SCML1: variants seen among roughly 807,000 people sequenced by gnomAD.
SCML1 encodes sex comb on midleg-like protein 1.
For synonymous variants in SCML1, 104 were observed against 103.6 expected (o/e 1.00, Z -0.02); for missense variants, 137 against 258.1 (o/e 0.53, Z 3.22).
chrX:17,746,733 CACAT>C (rs971839495), intron 4 of SCML1, among the ~76,000 whole-genome samples: 13 of 112,088 alleles, frequency 1.2e-4, no homozygotes, highest in Admixed American at 4.7e-4. Flanking sequence ...TTCCAAGGGA[CACAT>C]ACAGTCTTGG....
intron 1 of SCML1, among the ~76,000 whole-genome samples, chrX:17,741,760 C>G (rs2066597463): frequency 9.0e-6 from 1 of 111,002 alleles, no homozygotes; most frequent in South Asian, 3.8e-4. Flanking sequence ...GAGGAAGGGG[C>G]TTTCCTGGCC....
intron 4 of SCML1, among the ~76,000 whole-genome samples, chrX:17,748,846 A>T (rs1468456421): frequency 8.9e-6 from 1 of 112,061 alleles, no homozygotes; most frequent in African/African-American, 3.2e-5. Context: ...CGCGTAAGAG[A>T]TGTGTACTTA....
At chrX:17,747,264 A>C (rs149252611) in intron 4 of SCML1, among the ~76,000 whole-genome samples, 144 of 111,112 alleles carry the variant, frequency 1.3e-3, no homozygotes, top group African/African-American at 4.5e-3. Flanking sequence ...TGCTTTCTGC[A>C]TCTAGTCCCC....
rs185843868 is a variant in SCML1, at chrX:17,746,963, C to A, written c.198+865C>A. On this transcript the variant is annotated intron_variant, in intron 4 of 7. Coordinates refer to ENST00000380041, the MANE Select transcript of SCML1 (RefSeq NM_001037540.3). ...AGGGGCTGGCTCTTTCTTCCCCTAC[C>A]CGTTCTAGATCACAGAGGTGGCACT... is the stretch of plus-strand genomic sequence containing the variant. Among the ~76,000 whole-genome samples, 192 of 112,376 alleles carry A rather than the reference C, an allele frequency of 1.7e-3. 1 individual carries two copies. The highest frequency in any genetic ancestry group is 5.3e-3 in the African/African-American group (164 of 30,993).
In SCML1 at chrX:17,753,245, C is replaced by T. The variant is rs748867413; in HGVS notation, c.856-13C>T. The T allele has an allele frequency of 2.7e-6, 3 of 1,112,993 alleles. No individual in the cohort carries two copies. Among genetic ancestry groups the T allele is most frequent in the Non-Finnish European group, 3.6e-6 (3 of 842,716 alleles). The allele number at this position is 1,112,993 out of a possible 1,213,427, so 91.7% of individuals were successfully genotyped here. On this transcript the variant is annotated splice_polypyrimidine_tract_variant and intron_variant, in intron 7 of 7. Coordinates refer to ENST00000380041, the MANE Select transcript of SCML1 (RefSeq NM_001037540.3). ...AGCATTATTAATTATCGTTAAGTTT[C>T]TTCTCTCCATAGGAAATTGACGGGA... is the stretch of plus-strand genomic sequence containing the variant.
In SCML1 at chrX:17,754,956, ATAT is replaced by A. The variant is rs903815922; in HGVS notation, c.*1567_*1569del. ...TGTTTTACAGTTTTCATATTTTAAA[ATAT>A]TAATAAAGTTAAATCACAATAGTTC... On this transcript the variant is annotated 3_prime_UTR_variant, in exon 8 of 8. Coordinates refer to ENST00000380041, the MANE Select transcript of SCML1 (RefSeq NM_001037540.3). 3 of 112,974 alleles carry A rather than the reference ATAT, an allele frequency of 2.7e-5. No homozygotes were observed. The highest frequency in any genetic ancestry group is 5.6e-5 in the Non-Finnish European group (3 of 53,391). The allele number at this position is 112,974 out of a possible 1,213,427, so 9.3% of individuals were successfully genotyped here.
rs374646442 is a variant in SCML1 at position 17,749,375 on chromosome X, A to G, written c.199-25A>G. 2.1e-4 allele frequency: 174 copies of G among 833,617 alleles called. 2 individuals are homozygous for G. The South Asian group carries it at 4.2e-3, about 20-fold the overall frequency. 68.7% of individuals were successfully genotyped at this position (833,617 alleles called of 1,213,427 possible). A position where few individuals can be genotyped will look rare whatever the true frequency, so the allele number is the denominator to read the frequency against. ...TTATATTTTACATTGTATACCAATT[A>G]TATGACTACATTGTATTATAATAGG... On this transcript the variant is annotated intron_variant, in intron 4 of 7. Transcript: ENST00000380041.
intron 3 of SCML1, 136 bp downstream of exon 3, chrX:17,745,675 T>G (rs12844524): frequency 2.4e-6 from 1 of 424,965 alleles, no homozygotes. Flanking sequence ...GTATGCTTGC[T>G]TTCATCAGAG....
intron 1 of SCML1, among the ~76,000 whole-genome samples, chrX:17,742,121 G>A (rs768016551): frequency 2.7e-5 from 3 of 111,319 alleles, no homozygotes; most frequent in Admixed American, 9.5e-5. Flanking sequence ...TATAAAAACT[G>A]GACCCAGAGA....
intron 2 of SCML1, chrX:17,745,043 A>C (rs1333818749): frequency 8.7e-6 from 1 of 114,820 alleles, no homozygotes; most frequent in East Asian, 2.8e-4. Context: ...GGTACTTTAG[A>C]GATTAATGTA....
chrX:17,747,622 T>C (rs1463132598), intron 4 of SCML1, among the ~76,000 whole-genome samples: 1 of 111,684 alleles, frequency 9.0e-6, no homozygotes, highest in African/African-American at 3.3e-5. Context: ...TCTGAAAAGG[T>C]CTCCGTGACT....
At chrX:17,737,859 C>CA (rs1460813386) in intron 1 of SCML1, 179 bp downstream of exon 1, 1 of 111,620 alleles carries the variant, frequency 9.0e-6, no homozygotes, top group Non-Finnish European at 1.9e-5. Context: ...GGGTGGTCCC[C>CA]ACAGCCTTTC....
At chrX:17,744,303 G>GAA in intron 2 of SCML1, 84 bp downstream of exon 2, 1 of 711,870 alleles carries the variant, frequency 1.4e-6, no homozygotes, top group Non-Finnish European at 2.1e-6. Context: ...TTTATACAGT[G>GAA]AAATGCATAG....
At chrX:17,746,454 A>G (rs1479497086) in intron 4 of SCML1, among the ~76,000 whole-genome samples, 2 of 112,081 alleles carry the variant, frequency 1.8e-5, no homozygotes, top group African/African-American at 6.5e-5. Flanking sequence ...AGATATCTCA[A>G]TGGAAACAAA....
At chrX:17,751,271 A>G (rs2066704761) in intron 6 of SCML1, among the ~76,000 whole-genome samples, 1 of 112,413 alleles carries the variant, frequency 8.9e-6, no homozygotes, top group African/African-American at 3.2e-5. Context: ...ATTTGATAAA[A>G]GTACTAATTT....
At chrX:17,750,681 C>T (rs2066700264) in intron 6 of SCML1, among the ~76,000 whole-genome samples, 2 of 112,313 alleles carry the variant, frequency 1.8e-5, no homozygotes, top group African/African-American at 6.5e-5. Flanking sequence ...GTGAGTAGCA[C>T]TTCTAGAACT....
intron 6 of SCML1, 142 bp from the exon 7 acceptor site, chrX:17,751,673 G>A: frequency 1.7e-6 from 1 of 572,473 alleles, no homozygotes; most frequent in South Asian, 3.6e-5. Context: ...TTTTACAGTT[G>A]GAGTCTTGAC....
intron 7 of SCML1, among the ~76,000 whole-genome samples, chrX:17,752,755 G>A (rs759191795): frequency 3.6e-5 from 4 of 111,573 alleles, no homozygotes; most frequent in Non-Finnish European, 7.5e-5. Flanking sequence ...TTTTAATATA[G>A]TAAGAAAATT....
chrX:17,748,318 C>T (rs2066663518), intron 4 of SCML1, among the ~76,000 whole-genome samples: 2 of 111,683 alleles, frequency 1.8e-5, no homozygotes, highest in South Asian at 7.5e-4. Context: ...ATTCTCCCAC[C>T]TCAGCCTTCC....
Sources: allele counts gnomAD v4.1 joint callset (sites outside exome capture counted in the v4.1 genomes callset), GRCh38; gene constraint gnomAD v4.1.1; transcripts MANE v1.5; gene names NCBI Gene and HGNC (gene_info 2026-07-23, HGNC 2026-07-21).